CFAP410: variants seen among roughly 807,000 people sequenced by gnomAD.
CFAP410 encodes cilia- and flagella-associated protein 410.
A neutral mutation model predicts 25.7 loss-of-function variants in CFAP410; 27 were observed. That is an observed-to-expected ratio of 1.05 (90% confidence interval 0.77 to 1.45). The LOEUF (loss-of-function observed/expected upper bound fraction) is 1.45, where lower values mean the gene tolerates loss of function less well. CFAP410 is among the 40% of genes most tolerant of loss of function. CFAP410 has a pLI of 0.00. For missense variants in CFAP410, 428 were observed against 354.1 expected, an observed-to-expected ratio of 1.21 and a Z score of -1.67; for synonymous variants, 178 against 158.4, an observed-to-expected ratio of 1.12 and a Z score of -0.93.
At chr21:44,338,172 C>T (rs969280928) in intron 1 of CFAP410, 3 of 837,202 alleles carry the variant, frequency 3.6e-6, no homozygotes, top group Non-Finnish European at 4.8e-6. Context: ...GGAATTGTAG[C>T]CAAAACACCA....
chr21:44,339,386 G>T lies in CFAP410; in HGVS notation c.-192C>A. ...CCGCTTGGGCGCCGCTGACACGTTG[G>T]CTCTGCTCCTGCTCATGCGCGGCCT... On this transcript the variant is annotated 5_prime_UTR_variant, in exon 1 of 7. Coordinates refer to ENST00000339818, the MANE Select transcript of CFAP410 (RefSeq NM_004928.3). The T allele has an allele frequency of 2.4e-6, 1 of 416,650 alleles. No homozygotes were observed. The highest frequency in any genetic ancestry group is 4.2e-6 in the Non-Finnish European group (1 of 235,540). The allele number at this position is 416,650 out of a possible 1,614,324, so 25.8% of individuals were successfully genotyped here.
At chr21:44,330,989 T>A (rs1209792562) in intron 5 of CFAP410, 70 bp from the exon 6 acceptor site, 3 of 1,358,074 alleles carry the variant, frequency 2.2e-6, no homozygotes, top group African/African-American at 2.9e-5. Flanking sequence ...GCAAACCCTG[T>A]CTGCGGGTCG....
At chr21:44,334,287 G>A (rs1461760368) in intron 3 of CFAP410, 1 of 456,126 alleles carries the variant, frequency 2.2e-6, no homozygotes, top group East Asian at 6.9e-5. Flanking sequence ...CCTGATGCTC[G>A]GAGGCCCTGT....
At chr21:44,338,256 C>T in intron 1 of CFAP410, 1 of 1,282,082 alleles carries the variant, frequency 7.8e-7, no homozygotes, top group South Asian at 1.2e-5. Flanking sequence ...GCGGACACCC[C>T]TGGGAGGAAG....
chr21:44,333,502 G>C (rs992994944), intron 3 of CFAP410: 1 of 584,536 alleles, frequency 1.7e-6, no homozygotes, highest in South Asian at 2.1e-5. Flanking sequence ...ACAGCCCCTT[G>C]GCCCGACGCT....
Position 44,329,017 on chromosome 21 carries a change from T to C in CFAP410, c.*1181A>G, listed in dbSNP as rs1056725. 1 of 152,652 alleles carries C rather than the reference T, an allele frequency of 6.6e-6. No homozygotes were observed. The highest frequency in any genetic ancestry group is 1.5e-5 in the Non-Finnish European group (1 of 68,394). The allele number at this position is 152,652 out of a possible 1,614,324, so 9.5% of individuals were successfully genotyped here. On this transcript the variant is annotated 3_prime_UTR_variant, in exon 7 of 7. Transcript: ENST00000339818. ...AGGAGGCAGACACAGGCCTGAACTG[T>C]CCACCCTCTATGTCCCGAGTGGTGA...
Position 44,339,189 on chromosome 21 carries a change from C to T in CFAP410, c.6G>A (p.Lys2=), listed in dbSNP as rs769824575. Residue 2 remains lysine, a synonymous_variant, in exon 1 of 7, where the codon AAG becomes AAA. Coordinates refer to ENST00000339818, the MANE Select transcript of CFAP410 (RefSeq NM_004928.3). M[K]LTRKMVLTRA... ...GGGTCAGAACCATCTTCCGCGTCAG[C>T]TTCATGGCGGCCGCCCAGGCCCGAC... 197 of 1,464,562 alleles carry T rather than the reference C, an allele frequency of 1.3e-4. No individual in the cohort carries two copies. The highest frequency in any genetic ancestry group is 2.3e-4 in the Admixed American group (9 of 39,068). 90.7% of individuals were successfully genotyped at this position (1,464,562 alleles called of 1,614,324 possible). A position where few individuals can be genotyped will look rare whatever the true frequency, so the allele number is the denominator to read the frequency against.
intron 6 of CFAP410, 180 bp downstream of exon 6, chr21:44,330,643 G>C: frequency 6.5e-7 from 1 of 1,548,828 alleles, no homozygotes; most frequent in South Asian, 1.2e-5. Context: ...TTACACGTGT[G>C]TGCGCATTCA....
In CFAP410 at chr21:44,330,836, C is replaced by A; in HGVS notation, c.629G>T (p.Ser210Ile). 5 of 1,604,202 alleles carry A rather than the reference C, an allele frequency of 3.1e-6. No homozygotes were observed. The highest frequency in any genetic ancestry group is 4.3e-6 in the Non-Finnish European group (5 of 1,175,830). ...CCCGCCACTCACCCTGCCCCTGTGG[C>A]TGCTCGAGGCATCCCTGGCTGAGAG... ...PSLSARDASS[S>I]HRGRNVLTAI... The change falls in exon 6 of 7, where the codon AGC (serine) becomes ATC (isoleucine). Residue 210 changes from serine (S) to isoleucine (I), a missense_variant. Coordinates refer to ENST00000339818, the MANE Select transcript of CFAP410 (RefSeq NM_004928.3).
chr21:44,335,778 G>C lies in CFAP410; in HGVS notation c.123C>G (p.Ser41Arg), dbSNP rs767420984. The C allele has an allele frequency of 1.9e-6, 3 of 1,593,210 alleles. No homozygotes were observed. The highest frequency in any genetic ancestry group is 1.7e-5 in the Admixed American group (1 of 58,022). ...GGTACCTGAGCGTGATCACCTCCAG[G>C]CTGGGCATCTCCTGGCAAATGGAGA... ...TDISICQEMPSLEVITLSVNS... is the reference protein window; with the variant it reads ...TDISICQEMPRLEVITLSVNS... Residue 41 changes from serine to arginine, a missense_variant, in exon 3 of 7, where the codon AGC becomes AGG. Ser to Arg is a moderately radical substitution (Grantham distance 110). Coordinates refer to ENST00000339818, the MANE Select transcript of CFAP410 (RefSeq NM_004928.3).
chr21:44,338,325 G>T, intron 1 of CFAP410: 3 of 1,289,168 alleles, frequency 2.3e-6, no homozygotes, highest in Non-Finnish European at 3.0e-6. Context: ...GACACGGCGC[G>T]GTCACTCTGC....
Position 44,330,165 on chromosome 21 carries a change from C to A in CFAP410, c.*33G>T, listed in dbSNP as rs9306098. 1.9e-6 allele frequency: 3 copies of A among 1,542,756 alleles called. No homozygotes were observed. Among genetic ancestry groups the A allele is most frequent in the Admixed American group, 3.9e-5 (2 of 51,916 alleles). On this transcript the variant is annotated 3_prime_UTR_variant, in exon 7 of 7. Transcript: ENST00000339818. ...GGGCTGGGGAAGACGCTGGGGTCCC[C>A]GTGGAGGCTGGAGCGGCGTTCAGGT...
Position 44,333,329 on chromosome 21 carries a change from C to T in CFAP410, c.144-67G>A, listed in dbSNP as rs954564347. On this transcript the variant is annotated intron_variant, in intron 3 of 6. Coordinates refer to ENST00000339818, the MANE Select transcript of CFAP410 (RefSeq NM_004928.3). The stretch of plus-strand genomic sequence containing the variant: ...GCCCCCAGGGCCACCTCTCAATCCC[C>T]ACCCCCAGTAAAAGGCACTCATGGG... 10 of 1,296,596 alleles carry T rather than the reference C, an allele frequency of 7.7e-6. No homozygotes were observed. In the East Asian group the frequency reaches 2.3e-4, roughly 29 times the overall value. 80.3% of individuals were successfully genotyped at this position (1,296,596 alleles called of 1,614,324 possible).
intron 1 of CFAP410, chr21:44,338,447 C>A: frequency 1.8e-6 from 1 of 542,110 alleles, no homozygotes; most frequent in Non-Finnish European, 3.2e-6. Context: ...TGCCTTTCAG[C>A]CTGCCTGGGT....
chr21:44,329,616 GAA>G lies in CFAP410; in HGVS notation c.*580_*581del, dbSNP rs1191147727. 1.3e-5 allele frequency: 2 copies of G among 152,674 alleles called. No homozygotes were observed. The highest frequency in any genetic ancestry group is 2.4e-5 in the African/African-American group (1 of 41,464). 9.5% of individuals were successfully genotyped at this position (152,674 alleles called of 1,614,324 possible). A position where few individuals can be genotyped will look rare whatever the true frequency, so the allele number is the denominator to read the frequency against. ...CTCCTGCAGTTCTTCACAGGAGAGAGAAAGGAAGGCGCACCTGCCCAGCCCGG... is the reference window on the plus strand; with the variant it reads ...CTCCTGCAGTTCTTCACAGGAGAGAGAGGAAGGCGCACCTGCCCAGCCCGG... On this transcript the variant is annotated 3_prime_UTR_variant, in exon 7 of 7. Transcript: ENST00000339818.
chr21:44,332,328 T>C (rs2047665578), intron 4 of CFAP410: 1 of 307,932 alleles, frequency 3.2e-6, no homozygotes. Context: ...CATATTGAAT[T>C]TATTCCATTT....
rs1439977566 is a variant in CFAP410 at position 44,329,809 on chromosome 21, ACCT to A, written c.*386_*388del. On this transcript the variant is annotated 3_prime_UTR_variant, in exon 7 of 7. Transcript: ENST00000339818. ...GGAATCGGCAAAGCCATCCGTGAAG[ACCT>A]CCTCATTCTGTGGAGAAACGGCCCT... The A allele has an allele frequency of 1.5e-5, 3 of 202,326 alleles. No individual in the cohort carries two copies. Among genetic ancestry groups the A allele is most frequent in the East Asian group, 1.4e-4 (1 of 7,014 alleles). The allele number at this position is 202,326 out of a possible 1,614,324, so 12.5% of individuals were successfully genotyped here. A position where few individuals can be genotyped will look rare whatever the true frequency, so the allele number is the denominator to read the frequency against.
chr21:44,332,952 GGAGAA>G (rs1376915073), intron 4 of CFAP410, 76 bp downstream of exon 4: 38 of 936,246 alleles, frequency 4.1e-5, no homozygotes, highest in Middle Eastern at 2.2e-4. Context: ...TTGCAGAAAA[GGAGAA>G]GAGAAAAGAG....
At chr21:44,332,042 T>C (rs1340126092) in intron 4 of CFAP410, 28 bp from the exon 5 acceptor site, 3 of 1,575,782 alleles carry the variant, frequency 1.9e-6, no homozygotes, top group South Asian at 1.1e-5. Flanking sequence ...GAAGACAGCA[T>C]GAGTGGCCTC....
Sources: allele counts gnomAD v4.1 joint callset, GRCh38; gene constraint gnomAD v4.1.1; transcripts MANE v1.5; gene names NCBI Gene and HGNC (gene_info 2026-07-23, HGNC 2026-07-21).